The following RORA variants were observed in gnomAD, a reference collection of about 807,000 sequenced individuals.
RORA encodes the protein nuclear receptor ROR-alpha.
In RORA, 7 loss-of-function variants were observed where a neutral mutation model predicts 69.5. The ratio of observed to expected loss-of-function variants is 0.10; its 90% CI spans 0.06 to 0.19. The LOEUF (loss-of-function observed/expected upper bound fraction) is 0.19, where lower values mean the gene tolerates loss of function less well. RORA is among the 10% of genes least tolerant of loss of function. The pLI, the probability that RORA is intolerant of heterozygous loss-of-function variation, is 1.00. For missense variants in RORA, 457 were observed against 663.0 expected (o/e 0.69, Z 3.41); for synonymous variants, 261 against 240.8 (o/e 1.08, Z -0.78).
chr15:60,709,051 C>T (rs992088910), intron 1 of RORA, among the ~76,000 whole-genome samples: 3 of 152,188 alleles, frequency 2.0e-5, no homozygotes, highest in Admixed American at 2.0e-4. Context: ...TGGGGAAAAT[C>T]CCAGAGGCCT....
intron 1 of RORA, among the ~76,000 whole-genome samples, chr15:60,789,619 T>C (rs2072387611): frequency 6.6e-6 from 1 of 152,232 alleles, no homozygotes. Context: ...TTGGGGCAGC[T>C]GAAGTTTAAG....
chr15:60,648,160 T>C (rs1171243537), intron 2 of RORA, among the ~76,000 whole-genome samples: 1 of 152,260 alleles, frequency 6.6e-6, no homozygotes, highest in African/African-American at 2.4e-5. Flanking sequence ...AGCACGTAGG[T>C]GCCTTCCAAA....
In RORA at chr15:60,556,798, A is replaced by T; in HGVS notation, c.197-24947T>A. On this transcript the variant is annotated intron_variant, in intron 2 of 10. Transcript: ENST00000335670. ...TTTGATTCAAACCTCACTTCTTCCTAAAAGCCTTCGTAAATGAAGAAACCT... is the reference window on the plus strand; with the variant it reads ...TTTGATTCAAACCTCACTTCTTCCTTAAAGCCTTCGTAAATGAAGAAACCT... 2.2e-6 allele frequency: 3 copies of T among 1,352,888 alleles called. No homozygotes were observed. In the Middle Eastern group the frequency reaches 5.5e-4, roughly 248 times the overall value. The allele number at this position is 1,352,888 out of a possible 1,614,324, so 83.8% of individuals were successfully genotyped here.
intron 1 of RORA, among the ~76,000 whole-genome samples, chr15:60,816,146 C>A (rs1384794893): frequency 1.8e-5 from 2 of 108,316 alleles, no homozygotes; most frequent in Non-Finnish European, 3.6e-5. Flanking sequence ...ATACTGTAAA[C>A]AGTATATGTA....
At chr15:61,203,667 A>G (rs1306407136) in intron 1 of RORA, among the ~76,000 whole-genome samples, 5 of 152,254 alleles carry the variant, frequency 3.3e-5, no homozygotes, top group African/African-American at 1.2e-4. Context: ...CGAACATTCT[A>G]GAATTAAAGG....
chr15:60,519,446 A>T (rs1359838615), intron 3 of RORA, among the ~76,000 whole-genome samples: 1 of 152,182 alleles, frequency 6.6e-6, no homozygotes, highest in Non-Finnish European at 1.5e-5. Flanking sequence ...ATATGACTTC[A>T]CATAGTTTAA....
At chr15:61,060,393 G>A (rs1188401557) in intron 1 of RORA, among the ~76,000 whole-genome samples, 1 of 152,130 alleles carries the variant, frequency 6.6e-6, no homozygotes, top group African/African-American at 2.4e-5. Flanking sequence ...CCTTCTTCCA[G>A]GCCTGGTTTC....
intron 1 of RORA, among the ~76,000 whole-genome samples, chr15:61,121,041 G>A (rs909985191): frequency 3.3e-5 from 5 of 151,730 alleles, no homozygotes; most frequent in African/African-American, 1.2e-4. Context: ...GTAGAGACGG[G>A]GTTTCACCAT....
chr15:60,806,463 G>A (rs945142446), intron 1 of RORA, among the ~76,000 whole-genome samples: 2 of 152,102 alleles, frequency 1.3e-5, no homozygotes, highest in African/African-American at 2.4e-5. Context: ...TTTTAATATC[G>A]CAGAACTCTT....
At chr15:60,754,489 TG>T (rs1043391239) in intron 1 of RORA, among the ~76,000 whole-genome samples, 2 of 152,186 alleles carry the variant, frequency 1.3e-5, no homozygotes, top group Non-Finnish European at 2.9e-5. Context: ...CTTCATAAAA[TG>T]GACATCAAAA....
intron 2 of RORA, among the ~76,000 whole-genome samples, chr15:60,558,778 G>C (rs2067446121): frequency 6.6e-6 from 1 of 152,158 alleles, no homozygotes; most frequent in South Asian, 2.1e-4. Flanking sequence ...TGTATTTTGT[G>C]TTCTGTTGCC....
At chr15:60,838,893 CTTTT>C (rs5813042) in intron 1 of RORA, among the ~76,000 whole-genome samples, 30 of 139,398 alleles carry the variant, frequency 2.2e-4, no homozygotes, top group African/African-American at 8.0e-4. Flanking sequence ...CACACATATA[CTTTT>C]TTTTTTTTTC....
At chr15:61,050,127 GC>G (rs1456102059) in intron 1 of RORA, among the ~76,000 whole-genome samples, 2 of 152,120 alleles carry the variant, frequency 1.3e-5, no homozygotes, top group African/African-American at 4.8e-5. Flanking sequence ...GAAAACTACT[GC>G]CCATGTGGTC....
intron 2 of RORA, chr15:60,677,387 C>A: frequency 2.7e-6 from 1 of 367,552 alleles, no homozygotes; most frequent in South Asian, 1.9e-5. Context: ...GATGGAGGGA[C>A]AGCCAACTGG....
rs1481310857 is a variant in RORA at position 60,495,267 on chromosome 15, T to C, written c.*2188A>G. 6.6e-6 allele frequency: 1 copy of C among 152,194 alleles called. No individual in the cohort carries two copies. The highest frequency in any genetic ancestry group is 6.5e-5 in the Admixed American group (1 of 15,278). 9.4% of individuals were successfully genotyped at this position (152,194 alleles called of 1,614,324 possible). ...TTTAAAGGAACTATGCTTACTTAAATTAAAGATTTGATTTAACCCTTCTTG... is the reference window on the plus strand; with the variant it reads ...TTTAAAGGAACTATGCTTACTTAAACTAAAGATTTGATTTAACCCTTCTTG... On this transcript the variant is annotated 3_prime_UTR_variant, in exon 11 of 11. Transcript: ENST00000335670.
chr15:60,640,532 T>G (rs1044849195), intron 2 of RORA, among the ~76,000 whole-genome samples: 9 of 152,116 alleles, frequency 5.9e-5, no homozygotes, highest in Non-Finnish European at 1.2e-4. Context: ...AAATCCAAGC[T>G]CCTCACCACA....
intron 3 of RORA, among the ~76,000 whole-genome samples, chr15:60,521,423 G>T (rs2066164121): frequency 6.6e-6 from 1 of 151,864 alleles, no homozygotes; most frequent in Non-Finnish European, 1.5e-5. Flanking sequence ...TGTATTTTTA[G>T]TAGAGACAGG....
intron 1 of RORA, among the ~76,000 whole-genome samples, chr15:60,822,881 T>C (rs2072910167): frequency 6.6e-6 from 1 of 152,200 alleles, no homozygotes; most frequent in South Asian, 2.1e-4. Context: ...GCAAGTGAAA[T>C]GTCTTCCATC....
chr15:60,744,137 T>C (rs530618253), intron 1 of RORA, among the ~76,000 whole-genome samples: 100 of 151,720 alleles, frequency 6.6e-4, no homozygotes, highest in African/African-American at 2.3e-3. Context: ...CATATTATGA[T>C]AGGTGGAATT....
Sources: gnomAD v4.1 joint callset for allele counts (sites outside exome capture counted in the v4.1 genomes callset) on GRCh38, gnomAD v4.1.1 for gene constraint, MANE v1.5 for transcripts, NCBI Gene and HGNC (gene_info 2026-07-23, HGNC 2026-07-21) for gene names.